Variants in GALNT13 observed in about 807,000 individuals in gnomAD.
The protein encoded by GALNT13 is polypeptide N-acetylgalactosaminyltransferase 13, also known as UDP-GalNAc:polypeptide N-acetylgalactosaminyltransferase 13.
Under a neutral mutation model 64.2 loss-of-function variants are expected in GALNT13, and 28 were observed. That is an observed-to-expected ratio of 0.44 (90% CI 0.32 to 0.60). The LOEUF is 0.60. Among genes scored for constraint, GALNT13 ranks in the 20% least tolerant of loss-of-function variants. The probability of loss-of-function intolerance (pLI) is 0.05; values close to 1 mark genes in which losing one functional copy is unlikely to be tolerated. For synonymous variants in GALNT13, 214 were observed against 224.6 expected, an observed-to-expected ratio of 0.95 and a Z score of 0.42; for missense variants, 577 against 669.8, an observed-to-expected ratio of 0.86 and a Z score of 1.53.
At chr2:153,331,131 T>C in the GALNT13 span, among the ~76,000 whole-genome samples, 2 of 152,208 alleles carry the variant, frequency 1.3e-5, no homozygotes, top group Non-Finnish European at 2.9e-5. Context: ...GCCTACATGA[T>C]CATGTTGAAA....
At chr2:154,152,683 A>T (rs187999024) in intron 4 of GALNT13, among the ~76,000 whole-genome samples, 1 of 151,756 alleles carries the variant, frequency 6.6e-6, no homozygotes, top group Non-Finnish European at 1.5e-5. Context: ...CATTCATTTC[A>T]TCTTCCATCA....
chr2:154,398,121 T>A (rs1226155423), intron 10 of GALNT13, among the ~76,000 whole-genome samples: 1 of 152,234 alleles, frequency 6.6e-6, no homozygotes, highest in Non-Finnish European at 1.5e-5. Flanking sequence ...TTATTGAAAA[T>A]TTGTTTGAAC....
chr2:153,632,867 C>G, the GALNT13 span, among the ~76,000 whole-genome samples: 1 of 152,126 alleles, frequency 6.6e-6, no homozygotes, highest in Middle Eastern at 3.2e-3. Context: ...ATTCTCCTGT[C>G]TCAGCTTCCC....
chr2:153,814,452 A>G, the GALNT13 span, among the ~76,000 whole-genome samples: 1 of 69,686 alleles, frequency 1.4e-5, no homozygotes, highest in South Asian at 4.2e-4. Flanking sequence ...TAAATAAATA[A>G]GTAAGTAAGT....
the GALNT13 span, among the ~76,000 whole-genome samples, chr2:153,204,747 A>G: frequency 1.2e-4 from 19 of 152,162 alleles, no homozygotes; most frequent in Non-Finnish European, 2.5e-4. Flanking sequence ...TCCCCTTTGC[A>G]AATTAATGGA....
the GALNT13 span, among the ~76,000 whole-genome samples, chr2:153,160,270 G>T: frequency 1.1e-4 from 16 of 152,266 alleles, no homozygotes; most frequent in South Asian, 3.3e-3. Flanking sequence ...CATGCATCTT[G>T]TTGGATGTAA....
At chr2:153,644,476 A>C in the GALNT13 span, among the ~76,000 whole-genome samples, 11 of 152,150 alleles carry the variant, frequency 7.2e-5, no homozygotes, top group Non-Finnish European at 1.3e-4. Flanking sequence ...CTGTCTCAGT[A>C]CTGTGGGAAG....
At chr2:153,510,950 G>T in the GALNT13 span, among the ~76,000 whole-genome samples, 1 of 152,030 alleles carries the variant, frequency 6.6e-6, no homozygotes, top group African/African-American at 2.4e-5. Context: ...AGCAGACACT[G>T]TTGGACAAGA....
chr2:153,976,361 G>A (rs142612277), intron 3 of GALNT13, among the ~76,000 whole-genome samples: 3 of 152,148 alleles, frequency 2.0e-5, no homozygotes, highest in Non-Finnish European at 4.4e-5. Flanking sequence ...TGAAGTTTAA[G>A]GTTTAGCACC....
the GALNT13 span, among the ~76,000 whole-genome samples, chr2:153,492,990 T>C: frequency 6.6e-6 from 1 of 152,002 alleles, no homozygotes; most frequent in East Asian, 1.9e-4. Context: ...AACTGAATGA[T>C]AATGTGAAAA....
rs546645813 is a variant in GALNT13 at position 154,002,485 on chromosome 2, T to G, written c.142+57846T>G. Among the ~76,000 whole-genome samples the G allele has an allele frequency of 1.6e-4, 25 of 152,132 alleles. No homozygotes were observed. The South Asian group carries it at 4.3e-3, about 26-fold the overall frequency. Reference sequence around the variant, plus strand: ...GTTTTTAATTCATTTATTGTATCTATAATATAAAATTTCTATTTTTTATTG... The same window carrying G: ...GTTTTTAATTCATTTATTGTATCTAGAATATAAAATTTCTATTTTTTATTG... On this transcript the variant is annotated intron_variant, in intron 3 of 12. Transcript: ENST00000392825.
intron 9 of GALNT13, among the ~76,000 whole-genome samples, chr2:154,307,180 T>G (rs554216950): frequency 6.6e-6 from 1 of 152,204 alleles, no homozygotes; most frequent in South Asian, 2.1e-4. Context: ...ATTCCTTTGG[T>G]TTACATATGT....
chr2:154,245,112 TA>T (rs1179151767), intron 6 of GALNT13, among the ~76,000 whole-genome samples: 3 of 110,352 alleles, frequency 2.7e-5, no homozygotes. Flanking sequence ...TCAAAATAAA[TA>T]AATAAATAAA....
chr2:153,756,530 T>G, the GALNT13 span, among the ~76,000 whole-genome samples: 11 of 152,126 alleles, frequency 7.2e-5, no homozygotes, highest in African/African-American at 2.2e-4. Flanking sequence ...TGATTGAAAC[T>G]GGATTTTTGC....
the GALNT13 span, among the ~76,000 whole-genome samples, chr2:153,372,948 G>C: frequency 6.6e-6 from 1 of 152,054 alleles, no homozygotes; most frequent in African/African-American, 2.4e-5. Flanking sequence ...CTATTGCCTT[G>C]TTTTCTATTG....
the GALNT13 span, among the ~76,000 whole-genome samples, chr2:153,589,658 C>T: frequency 6.6e-6 from 1 of 152,102 alleles, no homozygotes; most frequent in South Asian, 2.1e-4. Flanking sequence ...TGGAAGAAGG[C>T]AAGGAGGAGC....
the GALNT13 span, among the ~76,000 whole-genome samples, chr2:153,426,019 TTTTG>T: frequency 6.6e-6 from 1 of 151,920 alleles, no homozygotes; most frequent in Non-Finnish European, 1.5e-5. Context: ...ATTTCACCAA[TTTTG>T]TTTATTAGGT....
At chr2:153,784,022 G>A in the GALNT13 span, among the ~76,000 whole-genome samples, 16 of 152,262 alleles carry the variant, frequency 1.1e-4, no homozygotes, top group African/African-American at 3.6e-4. Context: ...ACCCGTAAAT[G>A]TTCCAAAGCA....
the GALNT13 span, among the ~76,000 whole-genome samples, chr2:153,138,733 C>A: frequency 6.6e-6 from 1 of 152,028 alleles, no homozygotes; most frequent in African/African-American, 2.4e-5. Flanking sequence ...ATCTTCTTCT[C>A]CCTTGCACCC....
Sources: gnomAD v4.1 joint callset for allele counts (sites outside exome capture counted in the v4.1 genomes callset) on GRCh38, gnomAD v4.1.1 for gene constraint, MANE v1.5 for transcripts, NCBI Gene and HGNC (gene_info 2026-07-23, HGNC 2026-07-21) for gene names.